PCDHGB1: variants seen among roughly 807,000 people sequenced by gnomAD.
PCDHGB1 encodes the protein protocadherin gamma subfamily B, 1.
A neutral mutation model predicts 56.6 loss-of-function variants in PCDHGB1; 34 were observed. The observed-to-expected ratio is 0.60, with a 90% CI of 0.46 to 0.80. The LOEUF is 0.80. Ranked by LOEUF, PCDHGB1 falls within the 30% of genes least tolerant of loss-of-function variation. The probability of loss-of-function intolerance (pLI) is 0.00; values close to 1 mark genes in which losing one functional copy is unlikely to be tolerated. For synonymous variants in PCDHGB1, 561 were observed against 505.9 expected (o/e 1.11, Z -1.46); for missense variants, 1,278 against 1,204.6 (o/e 1.06, Z -0.90).
intron 1 of PCDHGB1, chr5:141,365,783 G>A: frequency 6.2e-7 from 1 of 1,613,842 alleles, no homozygotes; most frequent in Non-Finnish European, 8.5e-7. Flanking sequence ...CGGCGACAAC[G>A]CTCGAGTCAC....
At chr5:141,390,887 T>TGTGA (rs553460991) in intron 1 of PCDHGB1, 1,524 of 151,180 alleles carry the variant, frequency 0.01, 16 homozygotes, top group Non-Finnish European at 0.015. Flanking sequence ...TGTGTGTGTG[T>TGTGA]GAGAGAGATC....
chr5:141,399,576 C>G, intron 1 of PCDHGB1: 1 of 1,614,028 alleles, frequency 6.2e-7, no homozygotes, highest in South Asian at 1.1e-5. Flanking sequence ...ACGGCCAAGT[C>G]TCCTACTCTA....
At chr5:141,414,320 A>C (rs372261571) in intron 1 of PCDHGB1, 7 of 1,613,840 alleles carry the variant, frequency 4.3e-6, no homozygotes, top group Non-Finnish European at 5.9e-6. Flanking sequence ...GACTCTGAGC[A>C]GAATGGACAG....
chr5:141,386,866 A>G (rs2150322529), intron 1 of PCDHGB1, among the ~76,000 whole-genome samples: 1 of 152,364 alleles, frequency 6.6e-6, no homozygotes, highest in East Asian at 1.9e-4. Context: ...AGCTATTGCA[A>G]TCAAACTTTC....
intron 1 of PCDHGB1, among the ~76,000 whole-genome samples, chr5:141,359,576 A>C (rs541965330): frequency 6.6e-6 from 1 of 151,854 alleles, no homozygotes; most frequent in East Asian, 1.9e-4. Context: ...TATGATCTTT[A>C]AGATATAACA....
At chr5:141,405,083 C>T in intron 1 of PCDHGB1, 1 of 1,613,942 alleles carries the variant, frequency 6.2e-7, no homozygotes, top group Non-Finnish European at 8.5e-7. Flanking sequence ...CGTTATCACG[C>T]TGCTGGCCCT....
chr5:141,360,534 C>G (rs1163305635), intron 1 of PCDHGB1: 1 of 1,613,938 alleles, frequency 6.2e-7, no homozygotes, highest in Admixed American at 1.7e-5. Flanking sequence ...CCCCGCTATT[C>G]AAACAGACTA....
At chr5:141,475,282 G>C (rs942761003) in intron 1 of PCDHGB1, among the ~76,000 whole-genome samples, 2 of 152,150 alleles carry the variant, frequency 1.3e-5, no homozygotes, top group African/African-American at 4.8e-5. Context: ...TGAAAGACAG[G>C]GTAGGGAAAT....
At position 141,418,595 on chromosome 5, in the gene PCDHGB1, G is replaced by A. The variant is rs1331897624; in HGVS notation, c.2409+65926G>A. The A allele has an allele frequency of 2.5e-6, 4 of 1,613,928 alleles. No individual in the cohort carries two copies. Among genetic ancestry groups the A allele is most frequent in the Admixed American group, 3.3e-5 (2 of 60,006 alleles). On this transcript the variant is annotated intron_variant, in intron 1 of 3. Transcript: ENST00000523390. ...CAACCCCCCAGTGTTCAGCCAGGAC[G>A]TGTACAGGGTTAGCCTTCGGGAAGA...
chr5:141,387,866 G>A, intron 1 of PCDHGB1: 2 of 1,590,640 alleles, frequency 1.3e-6, no homozygotes, highest in South Asian at 1.1e-5. Context: ...TGGTGAGCAA[G>A]CTGAGGAGAG....
At chr5:141,499,189 C>T (rs1406015145) in intron 2 of PCDHGB1, among the ~76,000 whole-genome samples, 3 of 152,088 alleles carry the variant, frequency 2.0e-5, no homozygotes, top group African/African-American at 7.2e-5. Flanking sequence ...AAACCATTTC[C>T]CCCTTCTTAG....
chr5:141,375,015 A>C, intron 1 of PCDHGB1: 2 of 1,613,916 alleles, frequency 1.2e-6, no homozygotes. Context: ...GACTATGAGG[A>C]CTCGAGTTTT....
intron 1 of PCDHGB1, chr5:141,395,104 G>A (rs1420682544): frequency 1.9e-6 from 3 of 1,614,028 alleles, no homozygotes; most frequent in Admixed American, 3.3e-5. Flanking sequence ...GCCGACTCGC[G>A]GAAGAGTCAC....
chr5:141,394,654 C>T lies in PCDHGB1; in HGVS notation c.2409+41985C>T. ...TACCGCCTGCTCAAGGCCAGCGAGCCGGGACTCTTCTCGGTGGGTCTGCAC... is the reference window on the plus strand; with the variant it reads ...TACCGCCTGCTCAAGGCCAGCGAGCTGGGACTCTTCTCGGTGGGTCTGCAC... On this transcript the variant is annotated intron_variant, in intron 1 of 3. Coordinates refer to ENST00000523390, the MANE Select transcript of PCDHGB1 (RefSeq NM_018922.3). 1.9e-6 allele frequency: 3 copies of T among 1,613,236 alleles called. No homozygotes were observed. Among genetic ancestry groups the T allele is most frequent in the Non-Finnish European group, 2.5e-6 (3 of 1,179,928 alleles).
chr5:141,442,716 G>A (rs1367250926), intron 1 of PCDHGB1, among the ~76,000 whole-genome samples: 1 of 152,206 alleles, frequency 6.6e-6, no homozygotes, highest in East Asian at 1.9e-4. Context: ...ACATGCCAGA[G>A]CATTTGGGGC....
Position 141,490,051 on chromosome 5 carries a change from G to C in PCDHGB1, c.2410-4756G>C, listed in dbSNP as rs779280988. 1 of 1,614,214 alleles carries C rather than the reference G, an allele frequency of 6.2e-7. No individual in the cohort carries two copies. The highest frequency in any genetic ancestry group is 1.1e-5 in the South Asian group (1 of 91,082). On this transcript the variant is annotated intron_variant, in intron 1 of 3. Coordinates refer to ENST00000523390, the MANE Select transcript of PCDHGB1 (RefSeq NM_018922.3). The surrounding 1 kb of genome is among the most constrained non-coding windows in gnomAD (Gnocchi z 5.4). Reference sequence around the variant, plus strand: ...CCGCCTCAATGCCACTGATCCAGACGAGGGCACCAACGGCCAACTAGACTA... The same window carrying C: ...CCGCCTCAATGCCACTGATCCAGACCAGGGCACCAACGGCCAACTAGACTA...
At position 141,350,468 on chromosome 5, in the gene PCDHGB1, G is replaced by C. The variant is rs756415779; in HGVS notation, c.208G>C (p.Asp70His). 1.2e-6 allele frequency: 2 copies of C among 1,613,906 alleles called. No individual in the cohort carries two copies. The highest frequency in any genetic ancestry group is 1.7e-6 in the Non-Finnish European group (2 of 1,179,892). ...TCGAAAACTGCGGGTTAGTGCAGAG[G>C]ATTATTTCAACGTTAGTTTGGAGAG... ...PTRKLRVSAE[D>H]YFNVSLESGD... The change falls in exon 1 of 4, where the codon GAT becomes CAT. Residue 70 changes from aspartate (D) to histidine (H), a missense_variant. Asp to His is a moderately conservative substitution (Grantham distance 81). Coordinates refer to ENST00000523390, the MANE Select transcript of PCDHGB1 (RefSeq NM_018922.3).
chr5:141,393,712 A>G, intron 1 of PCDHGB1: 1 of 1,613,874 alleles, frequency 6.2e-7, no homozygotes, highest in Non-Finnish European at 8.5e-7. Flanking sequence ...AATACTGGGG[A>G]AATATCAATA....
chr5:141,430,885 C>G, intron 1 of PCDHGB1: 1 of 1,605,218 alleles, frequency 6.2e-7, no homozygotes, highest in Non-Finnish European at 8.5e-7. Context: ...TGGAGAAAGG[C>G]TCTAGGGTGG....
Sources: allele counts gnomAD v4.1 joint callset (sites outside exome capture counted in the v4.1 genomes callset), GRCh38; gene constraint gnomAD v4.1.1; non-coding constraint Gnocchi (gnomAD v3.1); transcripts MANE v1.5; gene names NCBI Gene and HGNC (gene_info 2026-07-23, HGNC 2026-07-21).